SPAG9: variants seen among roughly 807,000 people sequenced by gnomAD.
SPAG9 encodes sperm associated antigen 9.
Under a neutral mutation model 166.5 loss-of-function variants are expected in SPAG9, and 35 were observed. The ratio of observed to expected loss-of-function variants is 0.21; its 90% CI spans 0.16 to 0.28. The LOEUF is 0.28. SPAG9 is among the 10% of genes least tolerant of loss of function. The pLI, the probability that SPAG9 is intolerant of heterozygous loss-of-function variation, is 1.00. For missense variants in SPAG9, 1,235 were observed against 1,603.3 expected, an observed-to-expected ratio of 0.77 and a Z score of 3.92; for synonymous variants, 534 against 565.5, an observed-to-expected ratio of 0.94 and a Z score of 0.79.
intron 9 of SPAG9, among the ~76,000 whole-genome samples, chr17:51,008,399 A>C (rs532188347): frequency 2.6e-4 from 40 of 152,030 alleles, no homozygotes; most frequent in Non-Finnish European, 4.0e-4. Context: ...AACAAAAAAA[A>C]CCCACCAGTC....
chr17:51,059,824 T>C (rs1010626769), intron 2 of SPAG9, among the ~76,000 whole-genome samples: 6 of 151,948 alleles, frequency 3.9e-5, no homozygotes, highest in Admixed American at 3.9e-4. Flanking sequence ...TCACCACTTT[T>C]ACCACCTTCA....
Position 51,116,429 on chromosome 17 carries a change from T to A in SPAG9, c.303+3925A>T, listed in dbSNP as rs1325618032. ...AACCCTAACATACCCAGTTATAACC[T>A]CTCTCTCCAGATCATTTTGTATCCA... is the stretch of plus-strand genomic sequence containing the variant. On this transcript the variant is annotated intron_variant, in intron 1 of 29. Coordinates refer to ENST00000262013, the MANE Select transcript of SPAG9 (RefSeq NM_001130528.3). 2.0e-5 allele frequency among the ~76,000 whole-genome samples: 3 copies of A among 152,060 alleles called. No homozygotes were observed. The East Asian group carries it at 5.8e-4, about 29-fold the overall frequency.
At chr17:51,106,169 G>T (rs2048945221) in intron 1 of SPAG9, among the ~76,000 whole-genome samples, 1 of 145,074 alleles carries the variant, frequency 6.9e-6, no homozygotes, top group African/African-American at 2.6e-5. Context: ...TGGGCATGAT[G>T]GCATACACCT....
intron 2 of SPAG9, among the ~76,000 whole-genome samples, chr17:51,062,710 C>A (rs2047551296): frequency 6.6e-6 from 1 of 152,186 alleles, no homozygotes; most frequent in East Asian, 1.9e-4. Context: ...CGTGCCTCAG[C>A]CTTCTGAGTA....
At position 51,005,195 on chromosome 17, in the gene SPAG9, C is replaced by G. The variant is rs764392408; in HGVS notation, c.1476+17G>C. 2 of 1,612,652 alleles carry G rather than the reference C, an allele frequency of 1.2e-6. No individual in the cohort carries two copies. The highest frequency in any genetic ancestry group is 3.3e-5 in the Admixed American group (2 of 59,920). On this transcript the variant is annotated intron_variant, in intron 12 of 29. Transcript: ENST00000262013. ...ACATGGTAAGGTAAGAAAAAAAGTC[C>G]AAAATTGTAAACCTACATCATCGTC...
chr17:51,077,311 C>T (rs1003011453), intron 2 of SPAG9, among the ~76,000 whole-genome samples: 8 of 151,974 alleles, frequency 5.3e-5, no homozygotes, highest in African/African-American at 1.5e-4. Context: ...TCAGTAGAGA[C>T]GGGGTTCTCC....
chr17:51,103,233 TCCAA>T (rs2048853805), intron 1 of SPAG9, among the ~76,000 whole-genome samples: 2 of 152,122 alleles, frequency 1.3e-5, no homozygotes, highest in Non-Finnish European at 2.9e-5. Context: ...TATCCATCCA[TCCAA>T]CCAACAAATT....
chr17:51,082,434 C>G (rs1291643804), intron 1 of SPAG9, among the ~76,000 whole-genome samples: 1 of 151,080 alleles, frequency 6.6e-6, no homozygotes, highest in Non-Finnish European at 1.5e-5. Flanking sequence ...ATCTCTCCTC[C>G]CTGTTTATTT....
intron 12 of SPAG9, among the ~76,000 whole-genome samples, chr17:51,004,286 T>C (rs115979962): frequency 2.3e-3 from 357 of 152,318 alleles, no homozygotes; most frequent in African/African-American, 8.3e-3. Context: ...ACAATGTTAA[T>C]TTATTATGAT....
rs115487779 is a variant in SPAG9, at chr17:51,035,913, C to T, written c.742-4191G>A. Reference sequence around the variant, plus strand: ...CATACATGTGTGTGCATGTTCTATGCCAGCCATATAATTTTCATGATGCTT... The same window carrying T: ...CATACATGTGTGTGCATGTTCTATGTCAGCCATATAATTTTCATGATGCTT... On this transcript the variant is annotated intron_variant, in intron 5 of 29. Coordinates refer to ENST00000262013, the MANE Select transcript of SPAG9 (RefSeq NM_001130528.3). 5.6e-3 allele frequency among the ~76,000 whole-genome samples: 847 copies of T among 152,236 alleles called. 5 individuals carry two copies. Among genetic ancestry groups the T allele is most frequent in the African/African-American group, 0.019 (783 of 41,546 alleles).
At chr17:51,097,588 C>T (rs2048681934) in intron 1 of SPAG9, among the ~76,000 whole-genome samples, 3 of 151,898 alleles carry the variant, frequency 2.0e-5, no homozygotes, top group South Asian at 2.1e-4. Flanking sequence ...CATATATATA[C>T]ATGGCAGGTT....
At chr17:51,111,215 A>C (rs920247848) in intron 1 of SPAG9, among the ~76,000 whole-genome samples, 4 of 152,188 alleles carry the variant, frequency 2.6e-5, no homozygotes, top group African/African-American at 9.6e-5. Context: ...ATATATACCC[A>C]TTTCCAAATA....
chr17:50,998,564 G>C lies in SPAG9; in HGVS notation c.1718C>G (p.Pro573Arg). 6.2e-7 allele frequency: 1 copy of C among 1,614,178 alleles called. No homozygotes were observed. Among genetic ancestry groups the C allele is most frequent in the Non-Finnish European group, 8.5e-7 (1 of 1,180,028 alleles). The part of the protein sequence containing the change: ...SSNTTKKPEP[P>R]VNLKYNAPTS... The stretch of plus-strand genomic sequence containing the variant: ...GGGTGCATTGTACTTCAGATTAACA[G>C]GTGGTTCAGGCTTCTTAGTCGTGTT... Residue 573 changes from proline to arginine, a missense_variant, in exon 15 of 30, where the codon CCT (proline) becomes CGT (arginine). Pro to Arg is a moderately radical substitution (Grantham distance 103). Coordinates refer to ENST00000262013, the MANE Select transcript of SPAG9 (RefSeq NM_001130528.3).
At chr17:50,966,685 A>G (rs1423406606) in intron 29 of SPAG9, among the ~76,000 whole-genome samples, 3 of 152,238 alleles carry the variant, frequency 2.0e-5, no homozygotes, top group Non-Finnish European at 4.4e-5. Flanking sequence ...TGGTCCAGAC[A>G]TGGGAAGCTA....
chr17:51,055,828 CAT>C (rs2047349279), intron 3 of SPAG9, among the ~76,000 whole-genome samples: 1 of 152,084 alleles, frequency 6.6e-6, no homozygotes, highest in South Asian at 2.1e-4. Context: ...GACAGGGAAT[CAT>C]AAAAAGGTTA....
At chr17:51,085,137 C>T (rs946228088) in intron 1 of SPAG9, among the ~76,000 whole-genome samples, 2 of 151,348 alleles carry the variant, frequency 1.3e-5, no homozygotes, top group African/African-American at 4.9e-5. Context: ...CGTAAGCCAC[C>T]GCACCCAGCC....
chr17:51,020,978 A>T lies in SPAG9; in HGVS notation c.991+180T>A, dbSNP rs2045915779. ...CATGTTTAGTGCAGGCACAGCTATCATTTTTTTTTCAAATATTTTCAATCT... is the reference window on the plus strand; with the variant it reads ...CATGTTTAGTGCAGGCACAGCTATCTTTTTTTTTTCAAATATTTTCAATCT... On this transcript the variant is annotated intron_variant, in intron 7 of 29. Transcript: ENST00000262013. Among the ~76,000 whole-genome samples the T allele has an allele frequency of 2.0e-5, 3 of 151,032 alleles. No individual in the cohort carries two copies. The Admixed American group carries it at 2.0e-4, about 10-fold the overall frequency.
At chr17:51,101,875 T>C (rs543338512) in intron 1 of SPAG9, among the ~76,000 whole-genome samples, 20 of 152,228 alleles carry the variant, frequency 1.3e-4, no homozygotes, top group African/African-American at 4.8e-4. Context: ...TCTGCCCTCC[T>C]TGGCCTCCCA....
intron 1 of SPAG9, among the ~76,000 whole-genome samples, chr17:51,103,703 A>G (rs1207301460): frequency 4.5e-4 from 68 of 152,130 alleles, no homozygotes; most frequent in Admixed American, 3.9e-3. Context: ...AAGTGAGAGG[A>G]CCACTTGAGC....
Sources: allele counts gnomAD v4.1 joint callset (sites outside exome capture counted in the v4.1 genomes callset), GRCh38; gene constraint gnomAD v4.1.1; transcripts MANE v1.5; gene names NCBI Gene and HGNC (gene_info 2026-07-23, HGNC 2026-07-21).